Variants in CCDC102B observed in about 807,000 individuals in gnomAD.
CCDC102B encodes coiled-coil domain-containing protein 102B.
A neutral mutation model predicts 57.4 loss-of-function variants in CCDC102B; 75 were observed. The observed-to-expected ratio is 1.31, with a 90% CI of 1.08 to 1.58. The LOEUF (loss-of-function observed/expected upper bound fraction) is 1.58. Among genes scored for constraint, CCDC102B ranks in the 40% most tolerant of loss-of-function variants. The pLI, the probability that CCDC102B is intolerant of heterozygous loss-of-function variation, is 0.00. For synonymous variants in CCDC102B, 206 were observed against 201.9 expected, an observed-to-expected ratio of 1.02 and a Z score of -0.17; for missense variants, 636 against 582.6, an observed-to-expected ratio of 1.09 and a Z score of -0.94.
At chr18:68,814,290 C>A (rs538866864) in intron 1 of CCDC102B, among the ~76,000 whole-genome samples, 6 of 151,836 alleles carry the variant, frequency 4.0e-5, no homozygotes, top group African/African-American at 1.5e-4. Context: ...TTTTTCTAGG[C>A]TTTTTTTCTT....
intron 4 of CCDC102B, among the ~76,000 whole-genome samples, chr18:68,855,778 T>C (rs2038355546): frequency 6.6e-6 from 1 of 152,104 alleles, no homozygotes; most frequent in Non-Finnish European, 1.5e-5. Context: ...CACTTTTTTC[T>C]GCCACAACTC....
intron 1 of CCDC102B, among the ~76,000 whole-genome samples, chr18:68,807,624 C>T (rs532824696): frequency 1.9e-4 from 29 of 152,218 alleles, no homozygotes; most frequent in African/African-American, 7.0e-4. Flanking sequence ...ACTGGAAAGA[C>T]AGATCTTTTG....
chr18:68,827,275 A>C (rs2036943336), intron 1 of CCDC102B, among the ~76,000 whole-genome samples: 2 of 152,138 alleles, frequency 1.3e-5, no homozygotes, highest in Admixed American at 6.5e-5. Context: ...AAGATAGAAT[A>C]TCTTTCTCAT....
intron 2 of CCDC102B, among the ~76,000 whole-genome samples, chr18:68,789,342 C>T (rs1381360924): frequency 2.0e-4 from 30 of 152,042 alleles, no homozygotes; most frequent in Middle Eastern, 3.4e-3. Flanking sequence ...ATCTTTGTGG[C>T]GTTCTCTGTA....
intron 2 of CCDC102B, among the ~76,000 whole-genome samples, chr18:68,779,618 T>C (rs74426275): frequency 0.019 from 2,828 of 152,186 alleles, 37 homozygotes; most frequent in South Asian, 0.04. Flanking sequence ...CGGAATATAA[T>C]TTGATGATTG....
At chr18:68,828,347 A>AAAAT (rs2036999824) in intron 1 of CCDC102B, among the ~76,000 whole-genome samples, 1 of 134,044 alleles carries the variant, frequency 7.5e-6, no homozygotes, top group African/African-American at 2.8e-5. Flanking sequence ...AAAAAAAAAA[A>AAAAT]CCTTCAACTA....
intron 6 of CCDC102B, among the ~76,000 whole-genome samples, chr18:68,906,366 A>G (rs1378254327): frequency 6.6e-6 from 1 of 152,094 alleles, no homozygotes. Flanking sequence ...GTCAGATGGT[A>G]ATTCTATCTC....
At chr18:68,982,827 G>A (rs1216869923) in intron 6 of CCDC102B, among the ~76,000 whole-genome samples, 2 of 151,712 alleles carry the variant, frequency 1.3e-5, no homozygotes, top group African/African-American at 4.8e-5. Context: ...AAATGTATTT[G>A]ATAAATGACT....
chr18:68,889,772 G>C (rs957546335), intron 5 of CCDC102B, among the ~76,000 whole-genome samples: 3 of 152,134 alleles, frequency 2.0e-5, no homozygotes, highest in Non-Finnish European at 4.4e-5. Context: ...CTAGTCTATA[G>C]TATGATGTTA....
rs140819719 is a variant in CCDC102B at position 68,943,584 on chromosome 18, C to T, written c.1263+46156C>T. Among the ~76,000 whole-genome samples, 772 of 152,174 alleles carry T rather than the reference C, an allele frequency of 5.1e-3. 5 individuals are homozygous for T. Among genetic ancestry groups the T allele is most frequent in the African/African-American group, 0.017 (718 of 41,518 alleles). On this transcript the variant is annotated intron_variant, in intron 6 of 7. Transcript: ENST00000360242. ...CAAAATGGATAGACATTTTGAGTTA[C>T]GCACAATAAAGACGTTGTTCATTCA...
At chr18:68,716,021 G>A (rs990919299) in intron 1 of CCDC102B, among the ~76,000 whole-genome samples, 1 of 152,182 alleles carries the variant, frequency 6.6e-6, no homozygotes, top group Non-Finnish European at 1.5e-5. Flanking sequence ...CTAATTGAGA[G>A]CAAGCCCTAA....
chr18:68,928,923 T>C lies in CCDC102B; in HGVS notation c.1263+31495T>C, dbSNP rs549109465. Among the ~76,000 whole-genome samples, 44 of 151,764 alleles carry C rather than the reference T, an allele frequency of 2.9e-4. 2 individuals carry two copies. The South Asian group carries it at 9.2e-3, about 32-fold the overall frequency. On this transcript the variant is annotated intron_variant, in intron 6 of 7. Coordinates refer to ENST00000360242, the MANE Select transcript of CCDC102B (RefSeq NM_024781.3). Reference sequence around the variant, plus strand: ...AATGCTAGAAGAAGCAATGGAGAAATTAGGGTGGAAAGCTGGAGAGCATGA... The same window carrying C: ...AATGCTAGAAGAAGCAATGGAGAAACTAGGGTGGAAAGCTGGAGAGCATGA...
chr18:68,765,578 C>T (rs762111084), intron 2 of CCDC102B, among the ~76,000 whole-genome samples: 8 of 152,186 alleles, frequency 5.3e-5, no homozygotes, highest in African/African-American at 9.6e-5. Flanking sequence ...TTTAAATTTA[C>T]ATAATCTATC....
At chr18:68,749,249 G>A (rs985826300) in intron 2 of CCDC102B, among the ~76,000 whole-genome samples, 1 of 152,074 alleles carries the variant, frequency 6.6e-6, no homozygotes, top group African/African-American at 2.4e-5. Flanking sequence ...GGATTGTCTT[G>A]GCAATGTGGG....
chr18:68,871,670 T>A (rs563151055), intron 4 of CCDC102B, among the ~76,000 whole-genome samples: 22 of 152,196 alleles, frequency 1.4e-4, no homozygotes, highest in Non-Finnish European at 2.9e-4. Flanking sequence ...ATGCCTAGAG[T>A]ATACAAGTAA....
chr18:68,959,882 A>C (rs2050001795), intron 6 of CCDC102B, among the ~76,000 whole-genome samples: 1 of 151,980 alleles, frequency 6.6e-6, no homozygotes, highest in Non-Finnish European at 1.5e-5. Context: ...CTCTCTCTTC[A>C]GGGTAGTGGG....
At chr18:68,880,180 C>T (rs2144953686) in intron 5 of CCDC102B, among the ~76,000 whole-genome samples, 1 of 152,324 alleles carries the variant, frequency 6.6e-6, no homozygotes, top group Non-Finnish European at 1.5e-5. Context: ...TCGAGCGCAG[C>T]GCCGGTGGGC....
intron 7 of CCDC102B, among the ~76,000 whole-genome samples, chr18:69,012,130 T>G (rs2051535260): frequency 6.6e-6 from 1 of 152,152 alleles, no homozygotes; most frequent in Non-Finnish European, 1.5e-5. Context: ...TGTAATGATA[T>G]TCATGTGTGG....
chr18:68,903,047 G>A (rs1374609730), intron 6 of CCDC102B, among the ~76,000 whole-genome samples: 2 of 152,090 alleles, frequency 1.3e-5, no homozygotes, highest in Non-Finnish European at 2.9e-5. Context: ...GTGCATCGTC[G>A]TACTAAAAAA....
Sources: allele counts gnomAD v4.1 joint callset (sites outside exome capture counted in the v4.1 genomes callset), GRCh38; gene constraint gnomAD v4.1.1; transcripts MANE v1.5; gene names NCBI Gene and HGNC (gene_info 2026-07-23, HGNC 2026-07-21).